ARMH3: variants seen among roughly 807,000 people sequenced by gnomAD.
ARMH3 encodes the protein armadillo-like helical domain-containing protein 3.
Under a neutral mutation model 99.1 loss-of-function variants are expected in ARMH3, and 60 were observed. The observed-to-expected ratio is 0.61, with a 90% confidence interval of 0.49 to 0.75. The LOEUF is 0.75. Ranked by LOEUF, ARMH3 falls within the 30% of genes least tolerant of loss-of-function variation. ARMH3 has a pLI of 0.00. For missense variants in ARMH3, 679 were observed against 843.1 expected (o/e 0.81, Z 2.41); for synonymous variants, 285 against 292.8 (o/e 0.97, Z 0.27).
intron 23 of ARMH3, among the ~76,000 whole-genome samples, chr10:101,910,326 C>T (rs1842811900): frequency 6.6e-6 from 1 of 152,136 alleles, no homozygotes; most frequent in African/African-American, 2.4e-5. Flanking sequence ...TGTAGCTTTC[C>T]AGCACTGAAC....
intron 23 of ARMH3, among the ~76,000 whole-genome samples, chr10:101,896,652 T>C (rs914368537): frequency 6.6e-6 from 1 of 152,216 alleles, no homozygotes. Flanking sequence ...CACACAGAAT[T>C]AATGTGGTGA....
In ARMH3 at chr10:102,029,700, T is replaced by C. The variant is rs551149821; in HGVS notation, c.352A>G (p.Thr118Ala). Reference sequence around the variant, plus strand: ...ATGTTGATAATGTCAAACCCAGAGGTAGACTTATTCTTTTGATGGACTCCT... The same window carrying C: ...ATGTTGATAATGTCAAACCCAGAGGCAGACTTATTCTTTTGATGGACTCCT... ...IRGVHQKNKSTSGFDIINMLM... is the reference protein window; with the variant it reads ...IRGVHQKNKSASGFDIINMLM... Residue 118 changes from threonine to alanine, a missense_variant, in exon 5 of 26, where the codon ACC becomes GCC. This residue lies in a region of ARMH3 where 280 missense variants were observed against 354.6 expected (regional missense o/e 0.79). Coordinates refer to ENST00000370033, the MANE Select transcript of ARMH3 (RefSeq NM_024541.3). 14 of 1,614,150 alleles carry C rather than the reference T, an allele frequency of 8.7e-6. No individual in the cohort carries two copies. The African/African-American group carries it at 1.2e-4, about 14-fold the overall frequency.
intron 5 of ARMH3, 163 bp downstream of exon 5, chr10:102,029,475 G>A (rs750806252): frequency 1.1e-4 from 169 of 1,553,516 alleles, no homozygotes; most frequent in South Asian, 8.4e-4. Context: ...CCTTTATTCA[G>A]ATAAAGCAAA....
intron 23 of ARMH3, among the ~76,000 whole-genome samples, chr10:101,937,003 G>A (rs1179161825): frequency 2.6e-5 from 4 of 152,172 alleles, no homozygotes; most frequent in African/African-American, 4.8e-5. Flanking sequence ...TACAGAGGGT[G>A]GATAGAGGCC....
intron 23 of ARMH3, 41 bp from the exon 24 acceptor site, chr10:101,889,531 G>A: frequency 6.6e-7 from 1 of 1,525,316 alleles, no homozygotes; most frequent in Non-Finnish European, 9.1e-7. Context: ...CCAGATAGAA[G>A]AGGTGGATAC....
chr10:102,023,208 C>G (rs749186027), intron 8 of ARMH3, among the ~76,000 whole-genome samples: 1 of 148,576 alleles, frequency 6.7e-6, no homozygotes, highest in Non-Finnish European at 1.5e-5. Flanking sequence ...AAAAAAAGTT[C>G]TTAGGTGATT....
intron 22 of ARMH3, among the ~76,000 whole-genome samples, chr10:101,941,649 C>T (rs528154905): frequency 6.6e-6 from 1 of 152,258 alleles, no homozygotes; most frequent in South Asian, 2.1e-4. Context: ...TAATAAAACA[C>T]ATCAACAGTG....
chr10:101,972,414 A>G (rs763380305), intron 20 of ARMH3, among the ~76,000 whole-genome samples: 3 of 152,336 alleles, frequency 2.0e-5, no homozygotes, highest in African/African-American at 4.8e-5. Context: ...ATAACATTTC[A>G]TTACAGTTTG....
At chr10:101,941,474 T>C (rs1453236718) in intron 22 of ARMH3, among the ~76,000 whole-genome samples, 1 of 152,194 alleles carries the variant, frequency 6.6e-6, no homozygotes, top group Non-Finnish European at 1.5e-5. Flanking sequence ...CATCACTATG[T>C]ACGCCTGACC....
At chr10:101,987,612 T>G (rs1846571340) in intron 19 of ARMH3, among the ~76,000 whole-genome samples, 1 of 152,212 alleles carries the variant, frequency 6.6e-6, no homozygotes, top group South Asian at 2.1e-4. Context: ...TTGGTCTGTG[T>G]GACCATTAGA....
intron 1 of ARMH3, among the ~76,000 whole-genome samples, chr10:102,040,886 G>T (rs2067394771): frequency 6.6e-6 from 1 of 151,936 alleles, no homozygotes; most frequent in African/African-American, 2.4e-5. Context: ...TTTCCCCAAA[G>T]TAAGTAGGTC....
chr10:101,861,932 C>T (rs1207598306), intron 24 of ARMH3, among the ~76,000 whole-genome samples: 3 of 147,888 alleles, frequency 2.0e-5, no homozygotes, highest in African/African-American at 5.0e-5. Flanking sequence ...CGCCTGTAGT[C>T]CCAGCACTCG....
chr10:101,891,258 C>G (rs529091481), intron 23 of ARMH3, among the ~76,000 whole-genome samples: 1 of 151,702 alleles, frequency 6.6e-6, no homozygotes, highest in South Asian at 2.1e-4. Context: ...TGCAATGGTG[C>G]GATCTCAGCT....
At chr10:101,847,680 T>C (rs2066494413) in intron 25 of ARMH3, 60 bp from the exon 26 acceptor site, 10 of 1,499,136 alleles carry the variant, frequency 6.7e-6, no homozygotes, top group Non-Finnish European at 9.3e-6. Context: ...CAGGAGAGAG[T>C]CAGTTCTAAA....
intron 22 of ARMH3, among the ~76,000 whole-genome samples, chr10:101,955,142 A>T (rs1435535657): frequency 6.6e-6 from 1 of 152,200 alleles, no homozygotes; most frequent in East Asian, 1.9e-4. Flanking sequence ...CATCTAGCCA[A>T]CGTGAAGTCT....
At position 101,846,267 on chromosome 10, in the gene ARMH3, G is replaced by A. The variant is rs1323378203; in HGVS notation, c.*1261C>T. On this transcript the variant is annotated 3_prime_UTR_variant, in exon 26 of 26. Coordinates refer to ENST00000370033, the MANE Select transcript of ARMH3 (RefSeq NM_024541.3). ...TGACAGGAATAGATTCCTCCCCAGA[G>A]GAAATTCTCAGGCAGGTTGGATGTA... 2.0e-5 allele frequency: 3 copies of A among 152,594 alleles called. No individual in the cohort carries two copies. The highest frequency in any genetic ancestry group is 7.2e-5 in the African/African-American group (3 of 41,398). 9.5% of individuals were successfully genotyped at this position (152,594 alleles called of 1,614,324 possible). A position where few individuals can be genotyped will look rare whatever the true frequency, so the allele number is the denominator to read the frequency against.
At chr10:101,908,111 T>C (rs1005054164) in intron 23 of ARMH3, among the ~76,000 whole-genome samples, 2 of 152,210 alleles carry the variant, frequency 1.3e-5, no homozygotes, top group African/African-American at 2.4e-5. Context: ...TTAATTTAAA[T>C]GAAAAAAACT....
intron 15 of ARMH3, 48 bp from the exon 16 acceptor site, chr10:101,995,403 T>C: frequency 6.9e-7 from 1 of 1,446,076 alleles, no homozygotes; most frequent in Non-Finnish European, 9.7e-7. Context: ...CAGATTTACA[T>C]CATCTGTTTC....
intron 24 of ARMH3, among the ~76,000 whole-genome samples, chr10:101,859,871 C>T (rs1311552700): frequency 6.6e-6 from 1 of 152,166 alleles, no homozygotes; most frequent in Non-Finnish European, 1.5e-5. Context: ...CCTTTAAATG[C>T]TATCGGCTTA....
Sources: gnomAD v4.1 joint callset for allele counts (sites outside exome capture counted in the v4.1 genomes callset) on GRCh38, gnomAD v4.1.1 for gene constraint, gnomAD v4.1.1 regional missense constraint, MANE v1.5 for transcripts, NCBI Gene and HGNC (gene_info 2026-07-23, HGNC 2026-07-21) for gene names.